The following MSRB3 variants were observed in gnomAD, a reference collection of about 807,000 sequenced individuals.
MSRB3 encodes the protein methionine sulfoxide reductase B3.
In MSRB3, 13 loss-of-function variants were observed where a neutral mutation model predicts 21.0. The ratio of observed to expected loss-of-function variants is 0.62; its 90% confidence interval spans 0.40 to 0.98. The LOEUF (loss-of-function observed/expected upper bound fraction) is 0.98. Ranked by LOEUF, MSRB3 falls within the 50% of genes least tolerant of loss-of-function variation. The probability of loss-of-function intolerance (pLI) is 0.00; values close to 1 mark genes in which losing one functional copy is unlikely to be tolerated. For missense variants in MSRB3, 199 were observed against 230.3 expected (o/e 0.86, Z 0.88); for synonymous variants, 87 against 88.6 (o/e 0.98, Z 0.10).
chr12:65,454,375 G>A (rs1447036087), intron 6 of MSRB3: 1 of 152,212 alleles, frequency 6.6e-6, no homozygotes, highest in Admixed American at 6.5e-5. Flanking sequence ...AAAATCATTG[G>A]TAGGAAAAAT....
chr12:65,315,103 A>G (rs899031026), intron 2 of MSRB3, among the ~76,000 whole-genome samples: 3 of 152,298 alleles, frequency 2.0e-5, no homozygotes, highest in Admixed American at 1.3e-4. Flanking sequence ...CTAGTTTACA[A>G]TTTCATCCTA....
chr12:65,345,727 C>G (rs1017557443), intron 4 of MSRB3, among the ~76,000 whole-genome samples: 81 of 152,180 alleles, frequency 5.3e-4, no homozygotes, highest in Admixed American at 4.9e-3. Flanking sequence ...GCTATCCCTC[C>G]CCACTCACCC....
At chr12:65,430,783 G>A (rs554318133) in intron 5 of MSRB3, among the ~76,000 whole-genome samples, 1 of 151,992 alleles carries the variant, frequency 6.6e-6, no homozygotes, top group South Asian at 2.1e-4. Flanking sequence ...TTGAATCCTG[G>A]ACCTACTCCT....
intron 5 of MSRB3, among the ~76,000 whole-genome samples, chr12:65,380,758 G>C (rs915929561): frequency 1.3e-5 from 2 of 152,026 alleles, no homozygotes; most frequent in Admixed American, 1.3e-4. Flanking sequence ...TAAATGAATA[G>C]ACCAAAGCAC....
intron 5 of MSRB3, among the ~76,000 whole-genome samples, chr12:65,439,459 A>C (rs937030271): frequency 2.0e-5 from 3 of 151,652 alleles, no homozygotes; most frequent in Non-Finnish European, 4.4e-5. Flanking sequence ...CAAATAAAAA[A>C]CATCTTTCAA....
chr12:65,360,314 A>T (rs1158911487), intron 4 of MSRB3, among the ~76,000 whole-genome samples: 1 of 152,118 alleles, frequency 6.6e-6, no homozygotes, highest in African/African-American at 2.4e-5. Context: ...TAGCATTGTG[A>T]ATTTATTCTC....
chr12:65,348,335 T>C (rs149314745), intron 4 of MSRB3, among the ~76,000 whole-genome samples: 4,020 of 152,288 alleles, frequency 0.026, 190 homozygotes, highest in African/African-American at 0.092. Flanking sequence ...TGTTGAGGAA[T>C]TTATCCATTT....
chr12:65,329,448 G>C (rs1875266893), intron 4 of MSRB3, among the ~76,000 whole-genome samples: 1 of 151,942 alleles, frequency 6.6e-6, no homozygotes, highest in Non-Finnish European at 1.5e-5. Context: ...TCAGGAGTTC[G>C]AGATTAGCCT....
At chr12:65,365,678 A>G (rs1407702813) in intron 4 of MSRB3, among the ~76,000 whole-genome samples, 2 of 152,250 alleles carry the variant, frequency 1.3e-5, no homozygotes, top group Admixed American at 1.3e-4. Context: ...GCATAGATAC[A>G]TACTGTATAG....
intron 4 of MSRB3, among the ~76,000 whole-genome samples, chr12:65,345,091 C>T (rs1043464953): frequency 1.3e-5 from 2 of 151,886 alleles, no homozygotes; most frequent in South Asian, 2.1e-4. Context: ...TGTCTGAATG[C>T]GAGATTGGTG....
chr12:65,293,844 G>A (rs541469317), intron 1 of MSRB3, among the ~76,000 whole-genome samples: 12 of 152,324 alleles, frequency 7.9e-5, no homozygotes, highest in Admixed American at 3.3e-4. Flanking sequence ...TTTGGGGAAT[G>A]AGAGGCCTTC....
chr12:65,345,831 G>A (rs1370178965), intron 4 of MSRB3, among the ~76,000 whole-genome samples: 1 of 152,118 alleles, frequency 6.6e-6, no homozygotes, highest in Non-Finnish European at 1.5e-5. Context: ...AACATGTGGT[G>A]TTTGGTTTTT....
At chr12:65,451,224 AT>A (rs1882845024) in intron 5 of MSRB3, among the ~76,000 whole-genome samples, 2 of 152,210 alleles carry the variant, frequency 1.3e-5, no homozygotes, top group Non-Finnish European at 2.9e-5. Context: ...GCAAAGAGAC[AT>A]TGTGAGTTTT....
At position 65,466,451 on chromosome 12, in the gene MSRB3, A is replaced by G. The variant is rs555639790; in HGVS notation, c.*3129A>G. The G allele has an allele frequency of 7.9e-5, 12 of 152,300 alleles. No individual in the cohort carries two copies. Among genetic ancestry groups the G allele is most frequent in the African/African-American group, 2.9e-4 (12 of 41,562 alleles). 9.4% of individuals were successfully genotyped at this position (152,300 alleles called of 1,614,324 possible). A position where few individuals can be genotyped will look rare whatever the true frequency, so the allele number is the denominator to read the frequency against. On this transcript the variant is annotated 3_prime_UTR_variant, in exon 7 of 7. Transcript: ENST00000308259. ...ATCTGTGGGAGTTATGCCATTTAAC[A>G]TAGGAAGTGCATGGGACTTTCCCTC...
At chr12:65,393,698 T>TTG (rs1879617989) in intron 5 of MSRB3, among the ~76,000 whole-genome samples, 1 of 151,826 alleles carries the variant, frequency 6.6e-6, no homozygotes, top group Non-Finnish European at 1.5e-5. Context: ...TGTTCTTGTT[T>TTG]TGTGTATATA....
At chr12:65,322,215 T>C (rs1326631783) in intron 2 of MSRB3, among the ~76,000 whole-genome samples, 2 of 152,214 alleles carry the variant, frequency 1.3e-5, no homozygotes, top group Non-Finnish European at 2.9e-5. Flanking sequence ...AAAAGAGACA[T>C]TGGCTAATAG....
chr12:65,321,915 A>G (rs900689418), intron 2 of MSRB3, among the ~76,000 whole-genome samples: 2 of 152,192 alleles, frequency 1.3e-5, no homozygotes, highest in Non-Finnish European at 2.9e-5. Flanking sequence ...AAGCAAAACA[A>G]GACATTCTTA....
intron 4 of MSRB3, among the ~76,000 whole-genome samples, chr12:65,338,029 A>G (rs1374430525): frequency 6.6e-6 from 1 of 152,198 alleles, no homozygotes; most frequent in East Asian, 1.9e-4. Context: ...AATCCTAGGT[A>G]CTTGACTATT....
intron 5 of MSRB3, among the ~76,000 whole-genome samples, chr12:65,372,972 A>G (rs1878406399): frequency 1.3e-5 from 2 of 152,238 alleles, no homozygotes; most frequent in South Asian, 4.1e-4. Flanking sequence ...TGCTAACTAT[A>G]CTTTCAAAAA....
Sources: gnomAD v4.1 joint callset for allele counts (sites outside exome capture counted in the v4.1 genomes callset) on GRCh38, gnomAD v4.1.1 for gene constraint, MANE v1.5 for transcripts, NCBI Gene and HGNC (gene_info 2026-07-23, HGNC 2026-07-21) for gene names.